WWOX: variants seen among roughly 807,000 people sequenced by gnomAD.
The protein encoded by WWOX is WW domain containing oxidoreductase.
Under a neutral mutation model 46.2 loss-of-function variants are expected in WWOX, and 69 were observed. The ratio of observed to expected loss-of-function variants is 1.49; its 90% CI spans 1.23 to 1.82. The LOEUF is 1.82. Among genes scored for constraint, WWOX ranks in the 40% most tolerant of loss-of-function variants. The pLI, the probability that WWOX is intolerant of heterozygous loss-of-function variation, is 0.00. For synonymous variants in WWOX, 359 were observed against 202.6 expected, an observed-to-expected ratio of 1.77 and a Z score of -6.56; for missense variants, 919 against 542.6, an observed-to-expected ratio of 1.69 and a Z score of -6.89.
intron 8 of WWOX, among the ~76,000 whole-genome samples, chr16:78,531,034 C>G (rs945996677): frequency 6.6e-6 from 1 of 152,164 alleles, no homozygotes; most frequent in African/African-American, 2.4e-5. Context: ...TATCACTTCT[C>G]CATTAACTGT....
intron 8 of WWOX, among the ~76,000 whole-genome samples, chr16:78,728,379 A>G (rs561877967): frequency 6.6e-6 from 1 of 152,040 alleles, no homozygotes; most frequent in South Asian, 2.1e-4. Context: ...GGCCATGGAT[A>G]ACATTTCTAT....
intron 8 of WWOX, among the ~76,000 whole-genome samples, chr16:79,193,666 C>G (rs1265140645): frequency 6.6e-6 from 1 of 152,144 alleles, no homozygotes; most frequent in South Asian, 2.1e-4. Context: ...CTGCCGGTCA[C>G]CTAGCCAGCA....
chr16:78,637,979 C>G (rs1323820041), intron 8 of WWOX, among the ~76,000 whole-genome samples: 1 of 152,180 alleles, frequency 6.6e-6, no homozygotes, highest in Non-Finnish European at 1.5e-5. Flanking sequence ...CCCAGAATCA[C>G]TTTCAACTTG....
At chr16:79,182,949 G>C (rs2050941663) in intron 8 of WWOX, among the ~76,000 whole-genome samples, 1 of 152,214 alleles carries the variant, frequency 6.6e-6, no homozygotes, top group South Asian at 2.1e-4. Context: ...GCTCTTTTAA[G>C]GCAGCAGGAC....
chr16:78,632,775 C>T (rs547904411), intron 8 of WWOX, among the ~76,000 whole-genome samples: 82 of 151,836 alleles, frequency 5.4e-4, no homozygotes, highest in Middle Eastern at 6.8e-3. Flanking sequence ...TCAGACTGGT[C>T]TCGAACTCCT....
intron 8 of WWOX, among the ~76,000 whole-genome samples, chr16:78,546,172 C>A (rs1044166376): frequency 1.3e-5 from 2 of 152,100 alleles, no homozygotes; most frequent in Admixed American, 1.3e-4. Flanking sequence ...AATACTATGA[C>A]AAAGAATGTA....
intron 5 of WWOX, among the ~76,000 whole-genome samples, chr16:78,329,778 G>T (rs2080714186): frequency 1.4e-5 from 2 of 145,358 alleles, no homozygotes; most frequent in Non-Finnish European, 1.5e-5. Flanking sequence ...ACAGGGCCTT[G>T]CTTTGTCACC....
At chr16:78,785,049 G>C (rs2050421225) in intron 8 of WWOX, among the ~76,000 whole-genome samples, 1 of 152,172 alleles carries the variant, frequency 6.6e-6, no homozygotes, top group Admixed American at 6.5e-5. Flanking sequence ...CCAAGGAGAA[G>C]TTAAATTCTA....
At chr16:78,240,981 C>G (rs983098403) in intron 5 of WWOX, among the ~76,000 whole-genome samples, 2 of 152,154 alleles carry the variant, frequency 1.3e-5, no homozygotes, top group Non-Finnish European at 1.5e-5. Flanking sequence ...TTGGGGATCT[C>G]TCAACGTCCT....
At position 78,537,199 on chromosome 16, in the gene WWOX, G is replaced by A. The variant is rs541001454; in HGVS notation, c.1056+104447G>A. 5.9e-4 allele frequency among the ~76,000 whole-genome samples: 90 copies of A among 152,170 alleles called. No homozygotes were observed. The South Asian group carries it at 0.018, about 30-fold the overall frequency. On this transcript the variant is annotated intron_variant, in intron 8 of 8. Transcript: ENST00000566780. ...CCCAAAGTGCTGGGATTACAGGGGT[G>A]ACCCACCACACCCAGCCAGAGTCAA... is the stretch of plus-strand genomic sequence containing the variant.
chr16:79,098,215 G>A (rs190136458), intron 8 of WWOX, among the ~76,000 whole-genome samples: 35 of 151,758 alleles, frequency 2.3e-4, no homozygotes, highest in African/African-American at 8.3e-4. Context: ...ACATTCATTT[G>A]ATTGCAGATT....
chr16:78,312,954 C>A (rs1241125804), intron 5 of WWOX, among the ~76,000 whole-genome samples: 1 of 152,184 alleles, frequency 6.6e-6, no homozygotes, highest in Non-Finnish European at 1.5e-5. Flanking sequence ...TCCCAGCTGC[C>A]TGGTGTACAG....
At chr16:78,985,076 C>T (rs2046758528) in intron 8 of WWOX, among the ~76,000 whole-genome samples, 1 of 152,176 alleles carries the variant, frequency 6.6e-6, no homozygotes, top group Admixed American at 6.5e-5. Context: ...AAGCTCTGGC[C>T]GCCCAGTTTT....
intron 8 of WWOX, among the ~76,000 whole-genome samples, chr16:78,487,080 A>G (rs1315537044): frequency 6.6e-6 from 1 of 152,232 alleles, no homozygotes; most frequent in Non-Finnish European, 1.5e-5. Context: ...AGTGATATTA[A>G]GGACAACAGT....
chr16:78,721,960 T>C (rs1407300216), intron 8 of WWOX, among the ~76,000 whole-genome samples: 1 of 152,272 alleles, frequency 6.6e-6, no homozygotes, highest in East Asian at 1.9e-4. Flanking sequence ...TTTTTGCCTA[T>C]TAAGCAGCCA....
Position 78,099,777 on chromosome 16 carries a change from C to A in WWOX, c.-2C>A. ...GGGGGCCAGGTGCCTCCACAGTCAG[C>A]CATGGCAGCGCTGCGCTACGCGGGG... On this transcript the variant is annotated 5_prime_UTR_variant, in exon 1 of 9. Coordinates refer to ENST00000566780, the MANE Select transcript of WWOX (RefSeq NM_016373.4). 6.5e-7 allele frequency: 1 copy of A among 1,547,522 alleles called. No individual in the cohort carries two copies. The highest frequency in any genetic ancestry group is 1.9e-4 in the Middle Eastern group (1 of 5,332).
At chr16:78,921,355 C>T (rs538422391) in intron 8 of WWOX, among the ~76,000 whole-genome samples, 173 of 152,266 alleles carry the variant, frequency 1.1e-3, no homozygotes, top group Middle Eastern at 3.4e-3. Context: ...ATAATTTCAG[C>T]ACCTGCTGAT....
intron 8 of WWOX, among the ~76,000 whole-genome samples, chr16:78,596,591 C>G (rs561742436): frequency 6.6e-6 from 1 of 152,260 alleles, no homozygotes; most frequent in African/African-American, 2.4e-5. Flanking sequence ...GACCAGCCAG[C>G]TGAGGTAGAG....
At chr16:78,506,970 G>T (rs1255266196) in intron 8 of WWOX, among the ~76,000 whole-genome samples, 1 of 152,092 alleles carries the variant, frequency 6.6e-6, no homozygotes, top group African/African-American at 2.4e-5. Flanking sequence ...CACCTCAGCT[G>T]CCCAGGGTGC....
Sources: gnomAD v4.1 joint callset for allele counts (sites outside exome capture counted in the v4.1 genomes callset) on GRCh38, gnomAD v4.1.1 for gene constraint, MANE v1.5 for transcripts, NCBI Gene and HGNC (gene_info 2026-07-23, HGNC 2026-07-21) for gene names.